KCNMA1: variants seen among roughly 807,000 people sequenced by gnomAD.
KCNMA1 encodes the protein potassium calcium-activated channel subfamily M alpha 1.
In KCNMA1, 29 loss-of-function variants were observed where a neutral mutation model predicts 140.0. The ratio of observed to expected loss-of-function variants is 0.21; its 90% CI spans 0.15 to 0.28. KCNMA1 has a LOEUF of 0.28. Ranked by LOEUF, KCNMA1 falls within the 10% of genes least tolerant of loss-of-function variation. KCNMA1 has a pLI of 1.00. For synonymous variants in KCNMA1, 612 were observed against 611.9 expected (o/e 1.00, Z 0.00); for missense variants, 880 against 1,602.2 (o/e 0.55, Z 7.70).
intron 19 of KCNMA1, among the ~76,000 whole-genome samples, chr10:76,990,778 C>A (rs1402203822): frequency 6.6e-6 from 1 of 152,188 alleles, no homozygotes; most frequent in Non-Finnish European, 1.5e-5. Context: ...TACTCATCTG[C>A]ACTGAAGAAA....
At position 77,436,743 on chromosome 10, in the gene KCNMA1, C is replaced by A. The variant is rs1346365159; in HGVS notation, c.379-32720G>T. ...ATTTGCATTTTGTTATCACCATCTA[C>A]TAAAACATACCCCTCTGGCACACAG... On this transcript the variant is annotated intron_variant, in intron 1 of 27. Transcript: ENST00000286628. Among the ~76,000 whole-genome samples the A allele has an allele frequency of 2.0e-5, 3 of 152,316 alleles. No homozygotes were observed. In the East Asian group the frequency reaches 5.8e-4, roughly 29 times the overall value.
chr10:77,589,546 A>G (rs573926813), intron 1 of KCNMA1, among the ~76,000 whole-genome samples: 33 of 152,316 alleles, frequency 2.2e-4, no homozygotes, highest in Non-Finnish European at 2.2e-4. Context: ...ACACACGCAC[A>G]AAGTGTGTGT....
intron 1 of KCNMA1, among the ~76,000 whole-genome samples, chr10:77,520,920 C>G (rs1175563336): frequency 6.6e-6 from 1 of 152,218 alleles, no homozygotes; most frequent in Admixed American, 6.5e-5. Flanking sequence ...ACAACCCCAG[C>G]TTTTGGAAGA....
chr10:77,066,533 G>A (rs576768558), intron 14 of KCNMA1, among the ~76,000 whole-genome samples: 4 of 152,314 alleles, frequency 2.6e-5, no homozygotes, highest in Admixed American at 6.5e-5. Context: ...GTATTCAAAT[G>A]TAGGTGTTGA....
intron 1 of KCNMA1, among the ~76,000 whole-genome samples, chr10:77,494,331 C>T (rs1381735256): frequency 6.6e-6 from 1 of 152,200 alleles, no homozygotes; most frequent in South Asian, 2.1e-4. Context: ...TTAGGACATT[C>T]CTAAGAAGGA....
At chr10:77,233,162 T>G (rs1599471618) in intron 3 of KCNMA1, among the ~76,000 whole-genome samples, 1 of 152,220 alleles carries the variant, frequency 6.6e-6, no homozygotes, top group East Asian at 1.9e-4. Context: ...CTTGGTATTA[T>G]TCTCAAAAAT....
At chr10:77,084,756 A>G (rs1177042884) in intron 11 of KCNMA1, 37 bp from the exon 12 acceptor site, 3 of 1,427,306 alleles carry the variant, frequency 2.1e-6, no homozygotes, top group Admixed American at 1.7e-5. Context: ...GAACACAAAC[A>G]TATAAATAGC....
At chr10:77,134,947 G>C (rs1336235476) in intron 5 of KCNMA1, among the ~76,000 whole-genome samples, 1 of 119,982 alleles carries the variant, frequency 8.3e-6, no homozygotes, top group East Asian at 2.8e-4. Context: ...GCAGTGAGCT[G>C]AGATCATGCC....
intron 29 of KCNMA1, chr10:76,877,984 G>A (rs1242675257): frequency 4.8e-6 from 6 of 1,256,796 alleles, no homozygotes; most frequent in African/African-American, 3.0e-5. Flanking sequence ...ATTGAAAAAC[G>A]CAAAAAGGTA....
At chr10:77,383,016 A>ATATATATATATATATATATATG (rs2095478963) in intron 2 of KCNMA1, among the ~76,000 whole-genome samples, 1 of 132,104 alleles carries the variant, frequency 7.6e-6, no homozygotes, top group African/African-American at 2.9e-5. Context: ...ATATATATAT[A>ATATATATATATATATATATATG]TATATATATA....
chr10:77,538,225 C>G (rs2059389492), intron 1 of KCNMA1, among the ~76,000 whole-genome samples: 1 of 151,786 alleles, frequency 6.6e-6, no homozygotes, highest in South Asian at 2.1e-4. Context: ...TTCACATACT[C>G]TACACACTCA....
rs139475681 is a variant in KCNMA1 at position 76,949,307 on chromosome 10, G to A, written c.2544C>T (p.Gly848=). The A allele has an allele frequency of 5.3e-5, 85 of 1,613,982 alleles. 1 individual carries two copies. Among genetic ancestry groups the A allele is most frequent in the South Asian group, 4.2e-4 (38 of 91,076 alleles). The change falls in exon 22 of 28, where the codon GGC becomes GGT. Residue 848 remains glycine (G), a synonymous_variant. Transcript: ENST00000286628. The part of the protein sequence containing the change: ...LSGHVVVCIF[G]DVSSALIGLR... Reference sequence around the variant, plus strand: ...GGCCGATCAGGGCTGAGCTGACGTCGCCAAAGATGCAGACCACGACATGGC... The same window carrying A: ...GGCCGATCAGGGCTGAGCTGACGTCACCAAAGATGCAGACCACGACATGGC...
At chr10:77,404,174 G>A in intron 1 of KCNMA1, 151 bp from the exon 2 acceptor site, 1 of 653,594 alleles carries the variant, frequency 1.5e-6, no homozygotes, top group Non-Finnish European at 2.7e-6. Context: ...GGTAAATTAT[G>A]CCTTTGATTT....
At chr10:76,889,382 T>C in intron 27 of KCNMA1, 69 bp downstream of exon 27, 2 of 1,043,704 alleles carry the variant, frequency 1.9e-6, no homozygotes, top group Non-Finnish European at 3.0e-6. Context: ...GCCTTTACAG[T>C]AGGGGACAGG....
intron 24 of KCNMA1, chr10:76,914,496 G>T: frequency 2.8e-6 from 1 of 351,016 alleles, no homozygotes; most frequent in South Asian, 3.8e-5. Flanking sequence ...CTTCTACCTT[G>T]TTCCCAAAAT....
chr10:77,128,431 T>C (rs1030905094), intron 5 of KCNMA1, among the ~76,000 whole-genome samples: 2 of 151,400 alleles, frequency 1.3e-5, no homozygotes, highest in African/African-American at 4.9e-5. Flanking sequence ...TATTTTTTTT[T>C]CTTTGTACTT....
At position 76,935,615 on chromosome 10, in the gene KCNMA1, G is replaced by GA. The variant is rs889442925; in HGVS notation, c.2902+9157dup. On this transcript the variant is annotated intron_variant, in intron 23 of 27. Coordinates refer to ENST00000286628, the MANE Select transcript of KCNMA1 (RefSeq NM_001161352.2). ...AATGTGTCTGGTGTATGGCTCACCT[G>GA]AAAAAAAAATTACATTTTCTTAAAA... Among the ~76,000 whole-genome samples, 103 of 151,394 alleles carry GA rather than the reference G, an allele frequency of 6.8e-4. 1 individual carries two copies. Among genetic ancestry groups the GA allele is most frequent in the Middle Eastern group, 6.8e-3 (2 of 294 alleles).
At chr10:77,475,521 A>G (rs1265378370) in intron 1 of KCNMA1, among the ~76,000 whole-genome samples, 5 of 152,206 alleles carry the variant, frequency 3.3e-5, no homozygotes, top group African/African-American at 1.2e-4. Flanking sequence ...TAGAGCTTTC[A>G]CCAATACAAT....
Position 77,377,973 on chromosome 10 carries a change from C to T in KCNMA1, c.540+25889G>A, listed in dbSNP as rs79947801. Among the ~76,000 whole-genome samples, 3 of 152,284 alleles carry T rather than the reference C, an allele frequency of 2.0e-5. No homozygotes were observed. In the East Asian group the frequency reaches 5.8e-4, roughly 29 times the overall value. On this transcript the variant is annotated intron_variant, in intron 2 of 27. Coordinates refer to ENST00000286628, the MANE Select transcript of KCNMA1 (RefSeq NM_001161352.2). The stretch of plus-strand genomic sequence containing the variant: ...GCTATTTTCTTTCAATGAATATTTG[C>T]CCTTTCCAGCATCACAAATACATGA...
Sources: gnomAD v4.1 joint callset for allele counts (sites outside exome capture counted in the v4.1 genomes callset) on GRCh38, gnomAD v4.1.1 for gene constraint, MANE v1.5 for transcripts, NCBI Gene and HGNC (gene_info 2026-07-23, HGNC 2026-07-21) for gene names.